DIP2C: variants seen among roughly 807,000 people sequenced by gnomAD.
DIP2C encodes DIP2 acetate--CoA ligase C (putative).
In DIP2C, 33 loss-of-function variants were observed where a neutral mutation model predicts 192.4. That is an observed-to-expected ratio of 0.17 (90% CI 0.13 to 0.23). The LOEUF (loss-of-function observed/expected upper bound fraction) is 0.23, where lower values mean the gene tolerates loss of function less well. DIP2C is among the 10% of genes least tolerant of loss of function. The pLI is 1.00. For missense variants in DIP2C, 1,537 were observed against 2,110.1 expected (o/e 0.73, Z 5.32); for synonymous variants, 979 against 864.1 (o/e 1.13, Z -2.33).
intron 1 of DIP2C, among the ~76,000 whole-genome samples, chr10:530,161 G>A (rs1037209927): frequency 6.6e-6 from 1 of 152,224 alleles, no homozygotes; most frequent in African/African-American, 2.4e-5. Flanking sequence ...TCCACAGGGC[G>A]ACTTTGCTTC....
rs79715861 is a variant in DIP2C, at chr10:357,852, G to A, written c.2880C>T (p.Ile960=). ...AQASGRDLGQ[I]EDNDQARKFL... ...CCTTGCGTGCCTGGTCGTTATCTTC[G>A]ATCTGACCCAGGTCTCTGCCACTGG... is the stretch of plus-strand genomic sequence containing the variant. The change falls in exon 23 of 37, where the codon ATC becomes ATT. Residue 960 remains isoleucine, a synonymous_variant. Coordinates refer to ENST00000280886, the MANE Select transcript of DIP2C (RefSeq NM_014974.3). The A allele has an allele frequency of 1.4e-5, 23 of 1,612,396 alleles. No homozygotes were observed. The highest frequency in any genetic ancestry group is 1.6e-4 in the Middle Eastern group (1 of 6,082).
chr10:524,537 TAAA>T (rs1846933440), intron 1 of DIP2C, among the ~76,000 whole-genome samples: 1 of 152,200 alleles, frequency 6.6e-6, no homozygotes, highest in African/African-American at 2.4e-5. Flanking sequence ...ACATGGACGA[TAAA>T]CCATAGTTGA....
Position 650,842 on chromosome 10 carries a change from C to A in DIP2C, c.85+38652G>T, listed in dbSNP as rs533780568. ...ATGTCCTCAGTTCTGCCTCAGCCCCCACTTGTGAGAGGTCCGTGGCATAAC... is the reference window on the plus strand; with the variant it reads ...ATGTCCTCAGTTCTGCCTCAGCCCCAACTTGTGAGAGGTCCGTGGCATAAC... On this transcript the variant is annotated intron_variant, in intron 1 of 36. Coordinates refer to ENST00000280886, the MANE Select transcript of DIP2C (RefSeq NM_014974.3). 2.8e-4 allele frequency: 203 copies of A among 715,442 alleles called. 3 individuals carry two copies. In the East Asian group the frequency reaches 5.4e-3, roughly 19 times the overall value. The allele number at this position is 715,442 out of a possible 1,614,324, so 44.3% of individuals were successfully genotyped here. A position where few individuals can be genotyped will look rare whatever the true frequency, so the allele number is the denominator to read the frequency against.
At chr10:405,047 T>C (rs940737351) in intron 9 of DIP2C, among the ~76,000 whole-genome samples, 3 of 152,266 alleles carry the variant, frequency 2.0e-5, no homozygotes, top group African/African-American at 7.2e-5. Flanking sequence ...AATTCAGATG[T>C]TGAAGTTCCA....
intron 1 of DIP2C, among the ~76,000 whole-genome samples, chr10:527,147 C>T (rs1377374820): frequency 1.3e-5 from 2 of 152,170 alleles, no homozygotes; most frequent in African/African-American, 4.8e-5. Context: ...AGCCTTCACC[C>T]GGTTCATAAC....
intron 1 of DIP2C, among the ~76,000 whole-genome samples, chr10:628,121 C>T (rs1378948667): frequency 6.6e-6 from 1 of 152,226 alleles, no homozygotes; most frequent in African/African-American, 2.4e-5. Context: ...AAGCAAGAAA[C>T]TGAGGCACAG....
rs1332015702 is a variant in DIP2C at position 492,920 on chromosome 10, T to A, written c.86-6390A>T. Among the ~76,000 whole-genome samples the A allele has an allele frequency of 3.3e-5, 5 of 152,210 alleles. No individual in the cohort carries two copies. The South Asian group carries it at 1.0e-3, about 32-fold the overall frequency. The stretch of plus-strand genomic sequence containing the variant: ...CACCGCAGTGGTCTTGAAAATAAGC[T>A]TCTGATGTTAAAAGAGAATAATGTA... On this transcript the variant is annotated intron_variant, in intron 1 of 36. Coordinates refer to ENST00000280886, the MANE Select transcript of DIP2C (RefSeq NM_014974.3).
rs190416043 is a variant in DIP2C, at chr10:599,443, T to G, written c.85+90051A>C. On this transcript the variant is annotated intron_variant, in intron 1 of 36. Transcript: ENST00000280886. Reference sequence around the variant, plus strand: ...TAAACATCAAGATACAACTGAACCCTTACTAGACCAAGAACAAACCAAGTT... The same window carrying G: ...TAAACATCAAGATACAACTGAACCCGTACTAGACCAAGAACAAACCAAGTT... Among the ~76,000 whole-genome samples, 214 of 152,290 alleles carry G rather than the reference T, an allele frequency of 1.4e-3. 1 individual carries two copies. Among genetic ancestry groups the G allele is most frequent in the African/African-American group, 4.8e-3 (198 of 41,554 alleles).
Position 341,179 on chromosome 10 carries a change from G to T in DIP2C, c.3584+20C>A. ...GGTGCATGATTTTTTTTAATGTAAA[G>T]ATATAGAGAGGCATCTTACCTGCAG... On this transcript the variant is annotated intron_variant, in intron 29 of 36. Coordinates refer to ENST00000280886, the MANE Select transcript of DIP2C (RefSeq NM_014974.3). 6.2e-7 allele frequency: 1 copy of T among 1,613,980 alleles called. No homozygotes were observed. The highest frequency in any genetic ancestry group is 8.5e-7 in the Non-Finnish European group (1 of 1,179,962).
At chr10:546,467 C>T (rs949788122) in intron 1 of DIP2C, among the ~76,000 whole-genome samples, 10 of 152,290 alleles carry the variant, frequency 6.6e-5, no homozygotes, top group Middle Eastern at 3.4e-3. Context: ...CCTCCATCTG[C>T]GTTCAGTGGG....
rs184551383 is a variant in DIP2C, at chr10:578,124, G to A, written c.86-91594C>T. ...CCTTATTTTCCCTGTTTACTCGAAA[G>A]CTCTCTATTCTTCTTTTATCCTAAA... On this transcript the variant is annotated intron_variant, in intron 1 of 36. Coordinates refer to ENST00000280886, the MANE Select transcript of DIP2C (RefSeq NM_014974.3). 2.3e-4 allele frequency among the ~76,000 whole-genome samples: 35 copies of A among 152,288 alleles called. No homozygotes were observed. In the East Asian group the frequency reaches 3.1e-3, roughly 13 times the overall value.
In DIP2C at chr10:472,438, C is replaced by T; in HGVS notation, c.268+1G>A. The T allele has an allele frequency of 6.2e-7, 1 of 1,613,910 alleles. No individual in the cohort carries two copies. The highest frequency in any genetic ancestry group is 8.5e-7 in the Non-Finnish European group (1 of 1,179,824). On this transcript the variant is annotated splice_donor_variant, in intron 3 of 36. Coordinates refer to ENST00000280886, the MANE Select transcript of DIP2C (RefSeq NM_014974.3). LOFTEE classifies it high-confidence loss of function. The stretch of plus-strand genomic sequence containing the variant: ...ATTGTATCACCCCACCCCGTGCTTA[C>T]CTGACCGATAGCGCTCATCTCGTGA...
chr10:578,893 C>T (rs1371961041), intron 1 of DIP2C, among the ~76,000 whole-genome samples: 1 of 152,080 alleles, frequency 6.6e-6, no homozygotes, highest in African/African-American at 2.4e-5. Flanking sequence ...ATAGAGCATA[C>T]ACACATCCAG....
chr10:365,149 G>C, intron 19 of DIP2C: 1 of 397,816 alleles, frequency 2.5e-6, no homozygotes, highest in South Asian at 2.0e-5. Context: ...ATCCAGCTCA[G>C]TTTCGAGGGA....
intron 28 of DIP2C, among the ~76,000 whole-genome samples, chr10:344,357 A>G (rs1472094571): frequency 7.6e-6 from 1 of 131,378 alleles, no homozygotes; most frequent in African/African-American, 2.9e-5. Flanking sequence ...GGCAGACGGC[A>G]CACAAGGCTG....
At position 581,919 on chromosome 10, in the gene DIP2C, G is replaced by A. The variant is rs986381855; in HGVS notation, c.86-95389C>T. On this transcript the variant is annotated intron_variant, in intron 1 of 36. Transcript: ENST00000280886. Reference sequence around the variant, plus strand: ...GCACCAGCGATGGGTTTACGTGGACGACAATTTTTCTGGGGGGTGGTTTTG... The same window carrying A: ...GCACCAGCGATGGGTTTACGTGGACAACAATTTTTCTGGGGGGTGGTTTTG... Among the ~76,000 whole-genome samples, 10 of 152,220 alleles carry A rather than the reference G, an allele frequency of 6.6e-5. No homozygotes were observed. In the East Asian group the frequency reaches 7.7e-4, roughly 12 times the overall value.
chr10:619,301 CTGG>C, intron 1 of DIP2C, among the ~76,000 whole-genome samples: 1 of 152,218 alleles, frequency 6.6e-6, no homozygotes, highest in East Asian at 1.9e-4. Flanking sequence ...TCTCACATTT[CTGG>C]AAACTGGAAT....
At chr10:326,876 C>G (rs1004467906) in intron 31 of DIP2C, 130 bp downstream of exon 31, 17 of 1,103,374 alleles carry the variant, frequency 1.5e-5, no homozygotes, top group Non-Finnish European at 2.0e-5. Flanking sequence ...CAACCGCATG[C>G]GTGTGACTGA....
At chr10:556,053 T>TC (rs1848840843) in intron 1 of DIP2C, among the ~76,000 whole-genome samples, 1 of 150,190 alleles carries the variant, frequency 6.7e-6, no homozygotes, top group Admixed American at 6.6e-5. Flanking sequence ...CACCCACCTC[T>TC]CCCACAATCG....
Sources: gnomAD v4.1 joint callset for allele counts (sites outside exome capture counted in the v4.1 genomes callset) on GRCh38, gnomAD v4.1.1 for gene constraint, MANE v1.5 for transcripts, NCBI Gene and HGNC (gene_info 2026-07-23, HGNC 2026-07-21) for gene names.